NEK11: variants seen among roughly 807,000 people sequenced by gnomAD.
NEK11 encodes the protein NIMA related kinase 11, also known as serine/threonine-protein kinase Nek11.
In NEK11, 72 loss-of-function variants were observed where a neutral mutation model predicts 80.7. The observed-to-expected ratio is 0.89, with a 90% CI of 0.74 to 1.08. The LOEUF is 1.08. Ranked by LOEUF, NEK11 falls within the 50% of genes least tolerant of loss-of-function variation. The pLI is 0.00. For synonymous variants in NEK11, 251 were observed against 260.7 expected (o/e 0.96, Z 0.36); for missense variants, 764 against 763.6 (o/e 1.00, Z -0.01).
intron 17 of NEK11, among the ~76,000 whole-genome samples, chr3:131,331,631 C>CGTGCGT (rs1185816191): frequency 6.6e-6 from 1 of 152,172 alleles, no homozygotes; most frequent in East Asian, 1.9e-4. Context: ...TGCAGCGCAC[C>CGTGCGT]GTGCGTGAGC....
At chr3:131,155,232 C>T (rs1314052318) in intron 10 of NEK11, 111 bp downstream of exon 10, 5 of 695,610 alleles carry the variant, frequency 7.2e-6, no homozygotes, top group Non-Finnish European at 1.2e-5. Flanking sequence ...CTAGAATTCA[C>T]TTAAGTCTTG....
intron 3 of NEK11, among the ~76,000 whole-genome samples, chr3:131,048,778 T>C (rs1218475682): frequency 6.6e-6 from 1 of 152,238 alleles, no homozygotes; most frequent in East Asian, 1.9e-4. Flanking sequence ...TCTGTCTGAG[T>C]GGGAGCTGCA....
intron 15 of NEK11, among the ~76,000 whole-genome samples, chr3:131,231,678 C>T (rs915462335): frequency 6.6e-6 from 1 of 151,834 alleles, no homozygotes; most frequent in African/African-American, 2.4e-5. Flanking sequence ...AATGTGGACT[C>T]TTCCCTTTCA....
intron 10 of NEK11, among the ~76,000 whole-genome samples, chr3:131,156,733 G>A (rs776903902): frequency 2.2e-4 from 33 of 152,206 alleles, no homozygotes; most frequent in Middle Eastern, 3.4e-3. Flanking sequence ...ATAAAAAAAA[G>A]TACCTACTTC....
intron 17 of NEK11, among the ~76,000 whole-genome samples, chr3:131,290,615 C>A (rs1157325658): frequency 6.6e-6 from 1 of 152,144 alleles, no homozygotes; most frequent in Non-Finnish European, 1.5e-5. Flanking sequence ...CCAGGGATGG[C>A]CCCTGCTGCT....
At chr3:131,331,632 G>T (rs1030713642) in intron 17 of NEK11, among the ~76,000 whole-genome samples, 20 of 152,220 alleles carry the variant, frequency 1.3e-4, no homozygotes, top group Non-Finnish European at 2.8e-4. Flanking sequence ...GCAGCGCACC[G>T]TGCGTGAGCC....
At chr3:131,098,585 T>C (rs1486242063) in intron 4 of NEK11, among the ~76,000 whole-genome samples, 1 of 151,912 alleles carries the variant, frequency 6.6e-6, no homozygotes. Flanking sequence ...CACTTTTTTT[T>C]TTTTTTTTTA....
At chr3:131,114,554 G>A (rs182235699) in intron 5 of NEK11, among the ~76,000 whole-genome samples, 1 of 152,284 alleles carries the variant, frequency 6.6e-6, no homozygotes, top group African/African-American at 2.4e-5. Flanking sequence ...AAAAGCAAGA[G>A]AGTGGAAACC....
intron 3 of NEK11, among the ~76,000 whole-genome samples, chr3:131,051,969 T>G (rs571879275): frequency 1.4e-4 from 21 of 152,178 alleles, no homozygotes; most frequent in Non-Finnish European, 2.2e-4. Context: ...TTCTCTCCCC[T>G]TTTTTGAGTT....
At chr3:131,320,206 G>C (rs891452460) in intron 17 of NEK11, among the ~76,000 whole-genome samples, 3 of 152,196 alleles carry the variant, frequency 2.0e-5, no homozygotes, top group African/African-American at 7.2e-5. Context: ...GTTTATGCTT[G>C]GTTGTCACTT....
chr3:131,289,641 C>A (rs1307705466), intron 17 of NEK11, among the ~76,000 whole-genome samples: 1 of 152,096 alleles, frequency 6.6e-6, no homozygotes, highest in Non-Finnish European at 1.5e-5. Context: ...AGAGGACAAG[C>A]CTTATGCTCT....
At chr3:131,272,744 G>A (rs192127458) in intron 16 of NEK11, among the ~76,000 whole-genome samples, 4 of 152,118 alleles carry the variant, frequency 2.6e-5, no homozygotes, top group Admixed American at 1.3e-4. Context: ...CCAAAATGCC[G>A]GGATTACAGG....
At chr3:131,118,085 A>G (rs909794828) in intron 5 of NEK11, among the ~76,000 whole-genome samples, 2 of 152,152 alleles carry the variant, frequency 1.3e-5, no homozygotes, top group African/African-American at 4.8e-5. Context: ...GTTTTTGCCC[A>G]TTCAGTATGA....
intron 17 of NEK11, among the ~76,000 whole-genome samples, chr3:131,302,851 A>C (rs1032507495): frequency 6.6e-6 from 1 of 152,104 alleles, no homozygotes; most frequent in Non-Finnish European, 1.5e-5. Flanking sequence ...AGTTCTGTAG[A>C]TGTCTGTCGG....
intron 17 of NEK11, among the ~76,000 whole-genome samples, chr3:131,331,895 G>T (rs557886745): frequency 2.0e-5 from 3 of 152,218 alleles, no homozygotes; most frequent in African/African-American, 4.8e-5. Context: ...ACTGCAAGGC[G>T]GCAGCGAGGC....
At chr3:131,102,003 G>T (rs1345348961) in intron 4 of NEK11, among the ~76,000 whole-genome samples, 1 of 151,960 alleles carries the variant, frequency 6.6e-6, no homozygotes, top group African/African-American at 2.4e-5. Flanking sequence ...AATTTTTGTT[G>T]GTTTAAAATC....
intron 5 of NEK11, among the ~76,000 whole-genome samples, chr3:131,130,536 G>A (rs185823232): frequency 9.2e-5 from 14 of 152,206 alleles, no homozygotes; most frequent in Admixed American, 3.3e-4. Context: ...AAAAACGTCA[G>A]GGTTCTCATT....
intron 14 of NEK11, among the ~76,000 whole-genome samples, chr3:131,208,158 G>A (rs1247278998): frequency 1.3e-5 from 2 of 152,156 alleles, no homozygotes; most frequent in East Asian, 3.9e-4. Flanking sequence ...TGTAAGGAAG[G>A]GATCCAGTTT....
At chr3:131,337,941 AATT>A (rs1050330518) in intron 17 of NEK11, among the ~76,000 whole-genome samples, 2 of 152,014 alleles carry the variant, frequency 1.3e-5, no homozygotes, top group Admixed American at 6.6e-5. Context: ...GCTTGGCATA[AATT>A]TTTTTTCTTT....
Sources: allele counts gnomAD v4.1 joint callset (sites outside exome capture counted in the v4.1 genomes callset), GRCh38; gene constraint gnomAD v4.1.1; transcripts MANE v1.5; gene names NCBI Gene and HGNC (gene_info 2026-07-23, HGNC 2026-07-21).